Variants in HAO1 observed in about 807,000 individuals in gnomAD.
HAO1 encodes hydroxyacid oxidase 1.
Under a neutral mutation model 39.7 loss-of-function variants are expected in HAO1, and 34 were observed. The ratio of observed to expected loss-of-function variants is 0.86; its 90% confidence interval spans 0.65 to 1.14. The LOEUF (loss-of-function observed/expected upper bound fraction) is 1.14. Among genes scored for constraint, HAO1 ranks in the 50% most tolerant of loss-of-function variants. The pLI, the probability that HAO1 is intolerant of heterozygous loss-of-function variation, is 0.00. For synonymous variants in HAO1, 172 were observed against 173.2 expected (o/e 0.99, Z 0.05); for missense variants, 479 against 464.5 (o/e 1.03, Z -0.29).
chr20:7,887,693 T>G (rs1285018547), intron 5 of HAO1, among the ~76,000 whole-genome samples: 1 of 152,120 alleles, frequency 6.6e-6, no homozygotes, highest in African/African-American at 2.4e-5. Flanking sequence ...AAATACTATC[T>G]AGCTTGGGTT....
rs573717586 is a variant in HAO1 at position 7,928,255 on chromosome 20, G to C, written c.289+6229C>G. 1.5e-3 allele frequency among the ~76,000 whole-genome samples: 234 copies of C among 152,244 alleles called. 1 individual carries two copies. The highest frequency in any genetic ancestry group is 5.5e-3 in the African/African-American group (228 of 41,554). ...CCTCCAAGGCTGACATAGTGCAGTC[G>C]AAAGAAGTGGGCTGACATAAAGTGC... On this transcript the variant is annotated intron_variant, in intron 2 of 7. Transcript: ENST00000378789.
chr20:7,885,225 AG>A (rs2050145153), intron 7 of HAO1, among the ~76,000 whole-genome samples: 2 of 152,176 alleles, frequency 1.3e-5, no homozygotes, highest in South Asian at 4.1e-4. Flanking sequence ...TTGACTATCC[AG>A]GTAGATGTAT....
chr20:7,914,063 A>G, intron 3 of HAO1, 101 bp downstream of exon 3: 2 of 1,260,962 alleles, frequency 1.6e-6, no homozygotes, highest in South Asian at 1.3e-5. Flanking sequence ...CTGAAGATTA[A>G]CTAGATGTTT....
chr20:7,915,735 T>G (rs1297672456), intron 2 of HAO1, among the ~76,000 whole-genome samples: 2 of 152,036 alleles, frequency 1.3e-5, no homozygotes, highest in Non-Finnish European at 2.9e-5. Flanking sequence ...AATATAGACA[T>G]AGAAAAATGT....
At chr20:7,908,007 G>A (rs2050256621) in intron 3 of HAO1, among the ~76,000 whole-genome samples, 1 of 152,102 alleles carries the variant, frequency 6.6e-6, no homozygotes, top group Non-Finnish European at 1.5e-5. Context: ...ATAGTTGTAT[G>A]TATATTGATC....
chr20:7,902,757 A>G (rs1324344702), intron 4 of HAO1, among the ~76,000 whole-genome samples: 4 of 152,218 alleles, frequency 2.6e-5, no homozygotes, highest in Non-Finnish European at 5.9e-5. Flanking sequence ...CTTTGCTGAA[A>G]AAAGCCATTT....
At position 7,896,321 on chromosome 20, in the gene HAO1, T is replaced by C. The variant is rs1020558936; in HGVS notation, c.722-1097A>G. Among the ~76,000 whole-genome samples the C allele has an allele frequency of 2.0e-5, 3 of 152,140 alleles. No homozygotes were observed. The East Asian group carries it at 5.8e-4, about 29-fold the overall frequency. ...AAATGCAATACTAAGCAAAACCAACTGGTTCAAGAGCGTAGCAAAAATCAG... is the reference window on the plus strand; with the variant it reads ...AAATGCAATACTAAGCAAAACCAACCGGTTCAAGAGCGTAGCAAAAATCAG... On this transcript the variant is annotated intron_variant, in intron 4 of 7. Transcript: ENST00000378789.
chr20:7,896,078 A>C (rs1437361614), intron 4 of HAO1, among the ~76,000 whole-genome samples: 3 of 152,144 alleles, frequency 2.0e-5, no homozygotes, highest in Non-Finnish European at 4.4e-5. Flanking sequence ...TCTCAAAAAA[A>C]AAAAAATTAA....
At chr20:7,926,749 T>C (rs1407892164) in intron 2 of HAO1, among the ~76,000 whole-genome samples, 1 of 152,186 alleles carries the variant, frequency 6.6e-6, no homozygotes, top group Non-Finnish European at 1.5e-5. Flanking sequence ...CACTTTGGAA[T>C]GTTCTGGCCT....
intron 3 of HAO1, among the ~76,000 whole-genome samples, chr20:7,913,170 G>T (rs199895676): frequency 0.06 from 8,007 of 134,142 alleles, 283 homozygotes; most frequent in Admixed American, 0.099. Context: ...CTAGTTTTTT[G>T]TTTTTTTTTT....
intron 5 of HAO1, among the ~76,000 whole-genome samples, chr20:7,886,499 A>G (rs1407293179): frequency 6.6e-6 from 1 of 152,148 alleles, no homozygotes; most frequent in East Asian, 1.9e-4. Context: ...ATTATTCTGA[A>G]CATTACTCAT....
At position 7,910,622 on chromosome 20, in the gene HAO1, G is replaced by C. The variant is rs116217715; in HGVS notation, c.545+3542C>G. Reference sequence around the variant, plus strand: ...CTCTTTCTCTGACTCTGACACTCTTGCTTCCCTCTTATAAGGACCCTTTTA... The same window carrying C: ...CTCTTTCTCTGACTCTGACACTCTTCCTTCCCTCTTATAAGGACCCTTTTA... On this transcript the variant is annotated intron_variant, in intron 3 of 7. Transcript: ENST00000378789. Among the ~76,000 whole-genome samples the C allele has an allele frequency of 6.0e-3, 916 of 152,030 alleles. 12 individuals are homozygous for C. Among genetic ancestry groups the C allele is most frequent in the African/African-American group, 0.02 (824 of 41,460 alleles).
intron 2 of HAO1, among the ~76,000 whole-genome samples, chr20:7,916,029 G>C (rs1044070895): frequency 7.2e-5 from 11 of 152,012 alleles, no homozygotes; most frequent in Admixed American, 6.6e-4. Context: ...ACATCCTTTT[G>C]AGCAAGGTAG....
chr20:7,901,325 T>G (rs2050220339), intron 4 of HAO1, among the ~76,000 whole-genome samples: 1 of 152,166 alleles, frequency 6.6e-6, no homozygotes, highest in African/African-American at 2.4e-5. Context: ...CAAACAAGCC[T>G]TCCTCATACT....
At chr20:7,924,194 G>GTGTTTT (rs78746511) in intron 2 of HAO1, among the ~76,000 whole-genome samples, 2,556 of 148,716 alleles carry the variant, frequency 0.017, 46 homozygotes, top group African/African-American at 0.047. Context: ...AGTTTGGGTT[G>GTGTTTT]TGTTGTTGTT....
At chr20:7,916,182 T>G (rs2050306224) in intron 2 of HAO1, among the ~76,000 whole-genome samples, 1 of 151,534 alleles carries the variant, frequency 6.6e-6, no homozygotes, top group Admixed American at 6.6e-5. Flanking sequence ...GGTAGTAAAA[T>G]TGGAGTAAAA....
intron 2 of HAO1, among the ~76,000 whole-genome samples, chr20:7,916,786 G>A (rs1019622759): frequency 6.6e-6 from 1 of 152,196 alleles, no homozygotes; most frequent in Non-Finnish European, 1.5e-5. Context: ...GATCTGAGTT[G>A]GAGGTCATCA....
intron 1 of HAO1, among the ~76,000 whole-genome samples, chr20:7,939,322 A>T (rs906277012): frequency 1.2e-4 from 19 of 152,286 alleles, no homozygotes; most frequent in African/African-American, 4.1e-4. Flanking sequence ...TGGGTGAATC[A>T]GTGCTGCCTA....
intron 3 of HAO1, among the ~76,000 whole-genome samples, chr20:7,909,379 G>GTATATATA (rs869068490): frequency 1.0e-4 from 11 of 108,240 alleles, no homozygotes; most frequent in Non-Finnish European, 1.4e-4. Flanking sequence ...ATATATATAT[G>GTATATATA]TATATATATA....
Sources: gnomAD v4.1 joint callset for allele counts (sites outside exome capture counted in the v4.1 genomes callset) on GRCh38, gnomAD v4.1.1 for gene constraint, MANE v1.5 for transcripts, NCBI Gene and HGNC (gene_info 2026-07-23, HGNC 2026-07-21) for gene names.